TMEM98: variants seen among roughly 807,000 people sequenced by gnomAD.
TMEM98 encodes the protein transmembrane protein 98.
A neutral mutation model predicts 25.0 loss-of-function variants in TMEM98; 18 were observed. The observed-to-expected ratio is 0.72, with a 90% CI of 0.50 to 1.07. TMEM98 has a LOEUF of 1.07. Among genes scored for constraint, TMEM98 ranks in the 50% least tolerant of loss-of-function variants. The probability of loss-of-function intolerance (pLI) is 0.00; values close to 1 mark genes in which losing one functional copy is unlikely to be tolerated. For missense variants in TMEM98, 241 were observed against 289.0 expected (o/e 0.83, Z 1.20); for synonymous variants, 103 against 112.4 (o/e 0.92, Z 0.53).
chr17:32,934,052 G>A (rs77331847), intron 4 of TMEM98, among the ~76,000 whole-genome samples: 3,258 of 152,290 alleles, frequency 0.021, 53 homozygotes, highest in Non-Finnish European at 0.032. Context: ...AGCATGACTC[G>A]CTAGGCACAC....
chr17:32,931,312 C>T lies in TMEM98; in HGVS notation c.-130-15C>T. The stretch of plus-strand genomic sequence containing the variant: ...ATTTGGGGCATGGCATAAATTTTAC[C>T]TTGGTTCTCTTCAGGCCCTCAGGTC... On this transcript the variant is annotated splice_polypyrimidine_tract_variant and intron_variant, in intron 1 of 7. Coordinates refer to ENST00000579849, the MANE Select transcript of TMEM98 (RefSeq NM_015544.3). 2.1e-6 allele frequency: 1 copy of T among 481,310 alleles called. No homozygotes were observed. The allele number at this position is 481,310 out of a possible 1,614,324, so 29.8% of individuals were successfully genotyped here.
chr17:32,930,434 T>G (rs1397830270), intron 1 of TMEM98, among the ~76,000 whole-genome samples: 1 of 152,222 alleles, frequency 6.6e-6, no homozygotes, highest in East Asian at 1.9e-4. Flanking sequence ...ATTCTTCTTT[T>G]GTACACAAAT....
Position 32,940,926 on chromosome 17 carries a change from T to C in TMEM98, c.614T>C (p.Leu205Pro), listed in dbSNP as rs1360051393. Residue 205 changes from leucine to proline, a missense_variant, in exon 8 of 8, where the codon CTA becomes CCA. Physicochemically the swap from Leu to Pro is moderately conservative, Grantham distance 98. Transcript: ENST00000579849. ...TTGGAAGTCCTTCGAGAAGCAGCCCTAGCTTCTGAGCCAGATAAAGGCCTC... is the reference window on the plus strand; with the variant it reads ...TTGGAAGTCCTTCGAGAAGCAGCCCCAGCTTCTGAGCCAGATAAAGGCCTC... Reference protein sequence around the residue: ...EHLEVLREAALASEPDKGLPG... With the variant: ...EHLEVLREAAPASEPDKGLPG... The C allele has an allele frequency of 2.5e-6, 4 of 1,614,046 alleles. No homozygotes were observed. The highest frequency in any genetic ancestry group is 3.4e-6 in the Non-Finnish European group (4 of 1,180,034).
At chr17:32,929,406 C>CG (rs1376246046) in intron 1 of TMEM98, among the ~76,000 whole-genome samples, 3 of 151,894 alleles carry the variant, frequency 2.0e-5, no homozygotes, top group Non-Finnish European at 4.4e-5. Context: ...GCCTGGGGAC[C>CG]GGGGGAGGGG....
At position 32,931,332 on chromosome 17, in the gene TMEM98, C is replaced by G. The variant is rs192571372; in HGVS notation, c.-125C>G. On this transcript the variant is annotated 5_prime_UTR_variant, in exon 2 of 8. Coordinates refer to ENST00000579849, the MANE Select transcript of TMEM98 (RefSeq NM_015544.3). ...TTTACCTTGGTTCTCTTCAGGCCCT[C>G]AGGTCTCTGCAGGTGTCGTGGAGGA... 5.1e-5 allele frequency: 30 copies of G among 588,402 alleles called. No individual in the cohort carries two copies. In the African/African-American group the frequency reaches 5.1e-4, roughly 10 times the overall value. The allele number at this position is 588,402 out of a possible 1,614,324, so 36.4% of individuals were successfully genotyped here. A position where few individuals can be genotyped will look rare whatever the true frequency, so the allele number is the denominator to read the frequency against.
chr17:32,937,338 C>T (rs1382474261), intron 6 of TMEM98, among the ~76,000 whole-genome samples: 3 of 152,184 alleles, frequency 2.0e-5, no homozygotes, highest in Non-Finnish European at 4.4e-5. Context: ...TAAAAACGAC[C>T]AGTTTCCTGA....
rs2151115568 is a variant in TMEM98 at position 32,941,135 on chromosome 17, T to A, written c.*142T>A. 8 of 734,738 alleles carry A rather than the reference T, an allele frequency of 1.1e-5. No individual in the cohort carries two copies. In the South Asian group the frequency reaches 1.5e-4, roughly 14 times the overall value. The allele number at this position is 734,738 out of a possible 1,614,324, so 45.5% of individuals were successfully genotyped here. A position where few individuals can be genotyped will look rare whatever the true frequency, so the allele number is the denominator to read the frequency against. The stretch of plus-strand genomic sequence containing the variant: ...TGTGTGTGCATAGTAAAGCAGGAGA[T>A]CCCCGTCAGTTTATGCCTCTTTTGC... On this transcript the variant is annotated 3_prime_UTR_variant, in exon 8 of 8. Transcript: ENST00000579849.
At chr17:32,934,424 C>T (rs893121143) in intron 5 of TMEM98, 100 bp downstream of exon 5, 39 of 1,326,402 alleles carry the variant, frequency 2.9e-5, no homozygotes, top group African/African-American at 8.8e-5. Flanking sequence ...ACTGACCTCT[C>T]GCAAGAGGCC....
At chr17:32,929,198 TCA>T (rs1279724745) in intron 1 of TMEM98, among the ~76,000 whole-genome samples, 4 of 149,968 alleles carry the variant, frequency 2.7e-5, no homozygotes, top group Non-Finnish European at 5.9e-5. Flanking sequence ...GAAACACAGC[TCA>T]CACACTCAGA....
At chr17:32,940,405 G>T (rs1361979318) in intron 7 of TMEM98, among the ~76,000 whole-genome samples, 1 of 152,188 alleles carries the variant, frequency 6.6e-6, no homozygotes, top group Non-Finnish European at 1.5e-5. Flanking sequence ...GTGGGCAGCG[G>T]TTGGGGAATA....
chr17:32,931,654 T>G lies in TMEM98; in HGVS notation c.126T>G (p.Asp42Glu). 1 of 1,605,818 alleles carries G rather than the reference T, an allele frequency of 6.2e-7. No individual in the cohort carries two copies. The highest frequency in any genetic ancestry group is 2.2e-5 in the East Asian group (1 of 44,742). Reference sequence around the variant, plus strand: ...CGCGAGACCTGCTGCAGCGCTATGATTCTAAGTGAGTGAGCCTATGGAGGG... The same window carrying G: ...CGCGAGACCTGCTGCAGCGCTATGAGTCTAAGTGAGTGAGCCTATGGAGGG... Reference protein sequence around the residue: ...CRPRDLLQRYDSKPIVDLIGA... With the variant: ...CRPRDLLQRYESKPIVDLIGA... Residue 42 changes from aspartate (D) to glutamate (E), a missense_variant, in exon 3 of 8, where the codon GAT becomes GAG. Transcript: ENST00000579849.
intron 6 of TMEM98, among the ~76,000 whole-genome samples, chr17:32,938,867 C>T (rs925592267): frequency 2.0e-5 from 3 of 152,190 alleles, no homozygotes; most frequent in East Asian, 1.9e-4. Flanking sequence ...TTGAGCTTTA[C>T]ATATTATTTG....
At chr17:32,937,783 G>A (rs1176756987) in intron 6 of TMEM98, among the ~76,000 whole-genome samples, 1 of 152,068 alleles carries the variant, frequency 6.6e-6, no homozygotes, top group African/African-American at 2.4e-5. Context: ...TAGAGATGGG[G>A]TTTCACCATG....
chr17:32,935,217 C>T (rs1330631531), intron 5 of TMEM98, among the ~76,000 whole-genome samples: 1 of 152,212 alleles, frequency 6.6e-6, no homozygotes, highest in Non-Finnish European at 1.5e-5. Context: ...GTTATTATCT[C>T]AGAGTCCAGG....
chr17:32,936,027 C>T (rs1458670671), intron 5 of TMEM98, among the ~76,000 whole-genome samples: 2 of 152,110 alleles, frequency 1.3e-5, no homozygotes, highest in Admixed American at 6.5e-5. Flanking sequence ...GGTTTTTCCC[C>T]TAAGTGAGAA....
intron 5 of TMEM98, among the ~76,000 whole-genome samples, chr17:32,935,675 T>TG (rs2091492488): frequency 2.0e-5 from 3 of 152,078 alleles, no homozygotes; most frequent in Admixed American, 1.3e-4. Flanking sequence ...GGTGCTTCCT[T>TG]GCCATGGATA....
At chr17:32,938,860 A>G (rs28995) in intron 6 of TMEM98, among the ~76,000 whole-genome samples, 12,190 of 152,272 alleles carry the variant, frequency 0.08, 575 homozygotes, top group Non-Finnish European at 0.094. Context: ...TGACAGATTG[A>G]GCTTTACATA....
intron 4 of TMEM98, 43 bp from the exon 5 acceptor site, chr17:32,934,248 G>A: frequency 6.2e-7 from 1 of 1,609,146 alleles, no homozygotes; most frequent in Non-Finnish European, 8.5e-7. Context: ...AGGGTGGTGG[G>A]CCCCTCCAGA....
Position 32,941,748 on chromosome 17 carries a change from A to G in TMEM98, c.*755A>G, listed in dbSNP as rs963524468. ...AGAATCCTGAGGATGATTTCTGTGT[A>G]TGCCTCAAAATGAGATATTTAGGCT... is the stretch of plus-strand genomic sequence containing the variant. On this transcript the variant is annotated 3_prime_UTR_variant, in exon 8 of 8. Transcript: ENST00000579849. The G allele has an allele frequency of 5.3e-5, 8 of 152,208 alleles. No homozygotes were observed. The highest frequency in any genetic ancestry group is 8.8e-5 in the Non-Finnish European group (6 of 68,050). The allele number at this position is 152,208 out of a possible 1,614,324, so 9.4% of individuals were successfully genotyped here.
Sources: gnomAD v4.1 joint callset for allele counts (sites outside exome capture counted in the v4.1 genomes callset) on GRCh38, gnomAD v4.1.1 for gene constraint, MANE v1.5 for transcripts, NCBI Gene and HGNC (gene_info 2026-07-23, HGNC 2026-07-21) for gene names.